The following NPHP4 variants were observed in gnomAD, a reference collection of about 807,000 sequenced individuals.
The protein encoded by NPHP4 is nephrocystin-4.
NPHP4 carries 151 observed loss-of-function variants against 155.8 expected under a neutral mutation model. The observed-to-expected ratio is 0.97, with a 90% CI of 0.85 to 1.11. The LOEUF (loss-of-function observed/expected upper bound fraction) is 1.11. Ranked by LOEUF, NPHP4 falls within the 50% of genes least tolerant of loss-of-function variation. NPHP4 has a pLI of 0.00. For missense variants in NPHP4, 1,956 were observed against 1,925.7 expected (o/e 1.02, Z -0.29); for synonymous variants, 845 against 816.8 (o/e 1.03, Z -0.59).
intron 6 of NPHP4, among the ~76,000 whole-genome samples, chr1:5,953,976 C>T (rs1401092522): frequency 2.0e-5 from 3 of 152,112 alleles, no homozygotes; most frequent in Admixed American, 2.0e-4. Context: ...AAAAAGAAAA[C>T]ACTGAGGTAA....
chr1:5,977,673 G>A (rs906738867), intron 3 of NPHP4, among the ~76,000 whole-genome samples: 9 of 150,234 alleles, frequency 6.0e-5, no homozygotes, highest in South Asian at 2.1e-4. Flanking sequence ...AGAGCATGCC[G>A]GCCCGCAGGG....
At chr1:5,868,530 C>T (rs1311935469) in intron 23 of NPHP4, among the ~76,000 whole-genome samples, 1 of 151,206 alleles carries the variant, frequency 6.6e-6, no homozygotes, top group Non-Finnish European at 1.5e-5. Flanking sequence ...ACACACGCAC[C>T]CACACACACG....
intron 12 of NPHP4, among the ~76,000 whole-genome samples, chr1:5,907,657 G>A (rs907152914): frequency 1.3e-5 from 2 of 152,006 alleles, no homozygotes; most frequent in Non-Finnish European, 2.9e-5. Context: ...GCCAGCGCGG[G>A]CTCTGGAGAC....
rs1002007279 is a variant in NPHP4, at chr1:5,867,030, C to T, written c.3558G>A (p.Val1186=). 2 of 1,612,132 alleles carry T rather than the reference C, an allele frequency of 1.2e-6. No homozygotes were observed. The highest frequency in any genetic ancestry group is 1.7e-6 in the Non-Finnish European group (2 of 1,178,874). ...DPNVICETQN[V]GPGEPRDIFL... is the part of the protein sequence containing the mutation. ...GAGCTGGGGCCACAACACAACCTACCACATTCTGGGTCTCACAGATGACGT... is the reference window on the plus strand; with the variant it reads ...GAGCTGGGGCCACAACACAACCTACTACATTCTGGGTCTCACAGATGACGT... Residue 1186 remains valine, a splice_region_variant and synonymous_variant, in exon 25 of 30, where the codon GTG becomes GTA. Transcript: ENST00000378156. The surrounding 1 kb of genome is among the most constrained non-coding windows in gnomAD (Gnocchi z 4.1).
At chr1:5,974,487 C>T (rs112586283) in intron 3 of NPHP4, among the ~76,000 whole-genome samples, 8 of 152,224 alleles carry the variant, frequency 5.3e-5, no homozygotes, top group African/African-American at 1.4e-4. Context: ...TGCACAGGAC[C>T]GTGGCCTCCA....
intron 23 of NPHP4, 119 bp downstream of exon 23, chr1:5,873,133 C>T: frequency 1.1e-6 from 1 of 880,178 alleles, no homozygotes; most frequent in Admixed American, 2.0e-5. Context: ...GCCCACGCCA[C>T]CCCTGCCCTG....
In NPHP4 at chr1:5,880,238, A is replaced by G. The variant is rs759022050; in HGVS notation, c.2487T>C (p.Gly829=). The change falls in exon 19 of 30, where the codon GGT becomes GGC. Residue 829 remains glycine (G), a splice_region_variant and synonymous_variant. Coordinates refer to ENST00000378156, the MANE Select transcript of NPHP4 (RefSeq NM_015102.5). The part of the protein sequence containing the change: ...GRLHLTLANV[G]HPCEQKVRGC... ...CTCTCACTTTCTGTTCACACGGGTG[A>G]CCTACATGAAAAACATCCCAACATA... 3 of 1,613,398 alleles carry G rather than the reference A, an allele frequency of 1.9e-6. No individual in the cohort carries two copies. The highest frequency in any genetic ancestry group is 2.5e-6 in the Non-Finnish European group (3 of 1,179,610).
intron 17 of NPHP4, chr1:5,888,608 C>T: frequency 7.4e-7 from 1 of 1,350,446 alleles, no homozygotes; most frequent in Non-Finnish European, 9.8e-7. Context: ...TATGAGAAGT[C>T]TCCTTTAGGG....
At chr1:5,893,896 G>A (rs1644265639) in intron 16 of NPHP4, among the ~76,000 whole-genome samples, 1 of 152,170 alleles carries the variant, frequency 6.6e-6, no homozygotes, top group South Asian at 2.1e-4. Context: ...ATAACAGAAG[G>A]CTCACACTCT....
At chr1:5,906,187 A>C (rs985779628) in intron 13 of NPHP4, among the ~76,000 whole-genome samples, 1 of 152,238 alleles carries the variant, frequency 6.6e-6, no homozygotes, top group Admixed American at 6.5e-5. Context: ...ATAGAACAGA[A>C]AGATGAAGCT....
At position 5,864,523 on chromosome 1, in the gene NPHP4, A is replaced by G. The variant is rs1248855637; in HGVS notation, c.3817-6T>C. On this transcript the variant is annotated splice_polypyrimidine_tract_variant and splice_region_variant and intron_variant, in intron 27 of 29. Transcript: ENST00000378156. Reference sequence around the variant, plus strand: ...AAGACACCTTTGGGGTCTGTCTTCAAGAGCGAGAGAGGCGGGTCAGAGCAC... The same window carrying G: ...AAGACACCTTTGGGGTCTGTCTTCAGGAGCGAGAGAGGCGGGTCAGAGCAC... 1.3e-6 allele frequency: 2 copies of G among 1,543,970 alleles called. No homozygotes were observed. The highest frequency in any genetic ancestry group is 3.9e-5 in the Admixed American group (2 of 51,234).
At chr1:5,968,351 C>G (rs1249737562) in intron 4 of NPHP4, among the ~76,000 whole-genome samples, 1 of 152,140 alleles carries the variant, frequency 6.6e-6, no homozygotes, top group Non-Finnish European at 1.5e-5. Context: ...TCTGTAATCC[C>G]AACACTTTGG....
At chr1:5,913,890 T>G (rs1557722886) in intron 11 of NPHP4, among the ~76,000 whole-genome samples, 1 of 152,098 alleles carries the variant, frequency 6.6e-6, no homozygotes, top group Non-Finnish European at 1.5e-5. Flanking sequence ...AAAAGAACAT[T>G]GTTACCCAGA....
intron 18 of NPHP4, 35 bp downstream of exon 18, chr1:5,887,251 C>T (rs752019111): frequency 2.2e-5 from 35 of 1,583,066 alleles, no homozygotes; most frequent in African/African-American, 2.7e-5. Flanking sequence ...GTTGGGCGGC[C>T]GCTGGAGAAA....
rs1016367555 is a variant in NPHP4, at chr1:5,985,666, C to A, written c.135+489G>T. On this transcript the variant is annotated intron_variant, in intron 2 of 29. Transcript: ENST00000378156. ...AAAAGTGCTGACCATGTCATTGAAT[C>A]ATAGATTCTCTTTGCTGATGGGCCA... is the stretch of plus-strand genomic sequence containing the variant. Among the ~76,000 whole-genome samples, 3 of 152,222 alleles carry A rather than the reference C, an allele frequency of 2.0e-5. No individual in the cohort carries two copies. The South Asian group carries it at 6.2e-4, about 32-fold the overall frequency.
chr1:5,973,884 TC>T (rs1653036231), intron 3 of NPHP4, among the ~76,000 whole-genome samples: 1 of 152,180 alleles, frequency 6.6e-6, no homozygotes, highest in Admixed American at 6.5e-5. Context: ...CCATAGAGCC[TC>T]CCTCTGTGGA....
In NPHP4 at chr1:5,877,257, T is replaced by A. The variant is rs112206586; in HGVS notation, c.2653A>T (p.Ser885Cys). ...GTCAGTAGCATGGCAGCCAGCTCAC[T>A]GTCCACGTCCGCCAGCTTCTGTGCT... is the stretch of plus-strand genomic sequence containing the variant. ...VQAQKLADVDSELAAMLLTHA... is the reference protein window; with the variant it reads ...VQAQKLADVDCELAAMLLTHA... Residue 885 changes from serine (S) to cysteine (C), a missense_variant, in exon 20 of 30, where the codon AGT becomes TGT. Coordinates refer to ENST00000378156, the MANE Select transcript of NPHP4 (RefSeq NM_015102.5). 6.2e-7 allele frequency: 1 copy of A among 1,606,294 alleles called. No homozygotes were observed. The highest frequency in any genetic ancestry group is 2.2e-5 in the East Asian group (1 of 44,594).
intron 16 of NPHP4, among the ~76,000 whole-genome samples, chr1:5,898,896 C>T (rs1160988381): frequency 6.6e-6 from 1 of 152,148 alleles, no homozygotes; most frequent in Non-Finnish European, 1.5e-5. Context: ...GGGACCTGAA[C>T]ACATGCCTCA....
intron 28 of NPHP4, 68 bp downstream of exon 28, chr1:5,864,270 T>G: frequency 2.8e-6 from 4 of 1,442,474 alleles, no homozygotes; most frequent in East Asian, 2.4e-5. Flanking sequence ...AGGGCCGAGG[T>G]GGGGGTCCTG....
Sources: gnomAD v4.1 joint callset for allele counts (sites outside exome capture counted in the v4.1 genomes callset) on GRCh38, gnomAD v4.1.1 for gene constraint, Gnocchi (gnomAD v3.1) non-coding constraint, MANE v1.5 for transcripts, NCBI Gene and HGNC (gene_info 2026-07-23, HGNC 2026-07-21) for gene names.